FGGY: variants seen among roughly 807,000 people sequenced by gnomAD.
FGGY encodes FGGY carbohydrate kinase domain containing, also known as FGGY carbohydrate kinase domain-containing protein.
In FGGY, 72 loss-of-function variants were observed where a neutral mutation model predicts 71.3. The ratio of observed to expected loss-of-function variants is 1.01; its 90% CI spans 0.84 to 1.23. The LOEUF (loss-of-function observed/expected upper bound fraction) is 1.23. Among genes scored for constraint, FGGY ranks in the 50% most tolerant of loss-of-function variants. FGGY has a pLI of 0.00. For synonymous variants in FGGY, 251 were observed against 250.3 expected (o/e 1.00, Z -0.02); for missense variants, 668 against 682.3 (o/e 0.98, Z 0.23).
intron 2 of FGGY, among the ~76,000 whole-genome samples, chr1:59,337,578 A>G (rs2049851785): frequency 6.6e-6 from 1 of 152,168 alleles, no homozygotes; most frequent in African/African-American, 2.4e-5. Flanking sequence ...GTTGATATCT[A>G]ATATTGAGCA....
intron 5 of FGGY, among the ~76,000 whole-genome samples, chr1:59,393,463 AG>A: frequency 6.6e-6 from 1 of 152,342 alleles, no homozygotes; most frequent in Non-Finnish European, 1.5e-5. Context: ...CCGATAAGCA[AG>A]CCTCACTACA....
At chr1:59,557,175 G>C (rs1249305103) in intron 8 of FGGY, among the ~76,000 whole-genome samples, 1 of 152,118 alleles carries the variant, frequency 6.6e-6, no homozygotes, top group Non-Finnish European at 1.5e-5. Flanking sequence ...GACCCCCTTT[G>C]TTGTGGTTCT....
intron 1 of FGGY, among the ~76,000 whole-genome samples, chr1:59,319,880 A>C (rs894280452): frequency 6.6e-6 from 1 of 152,102 alleles, no homozygotes; most frequent in Non-Finnish European, 1.5e-5. Context: ...GCTGGGGGGA[A>C]GGGCTGGAGG....
intron 12 of FGGY, among the ~76,000 whole-genome samples, chr1:59,663,964 A>G (rs1468594556): frequency 6.6e-6 from 1 of 152,142 alleles, no homozygotes; most frequent in Non-Finnish European, 1.5e-5. Flanking sequence ...TAGGGGTGAA[A>G]TGAAATTAAA....
chr1:59,729,920 G>A (rs2098003334), intron 14 of FGGY, among the ~76,000 whole-genome samples: 1 of 152,068 alleles, frequency 6.6e-6, no homozygotes, highest in Non-Finnish European at 1.5e-5. Flanking sequence ...CTTTATTATG[G>A]AGAACTCTGT....
At chr1:59,505,232 A>C (rs2094346925) in intron 6 of FGGY, among the ~76,000 whole-genome samples, 1 of 152,234 alleles carries the variant, frequency 6.6e-6, no homozygotes. Context: ...GGATGGGAAT[A>C]GTGTCGACTA....
intron 8 of FGGY, among the ~76,000 whole-genome samples, chr1:59,591,521 C>T (rs991172199): frequency 6.6e-6 from 1 of 152,186 alleles, no homozygotes; most frequent in Non-Finnish European, 1.5e-5. Context: ...AGGCATCACG[C>T]TACCTGACTT....
At chr1:59,519,915 A>G (rs944580152) in intron 7 of FGGY, among the ~76,000 whole-genome samples, 12 of 152,236 alleles carry the variant, frequency 7.9e-5, no homozygotes, top group African/African-American at 2.9e-4. Flanking sequence ...GTTCTCAACC[A>G]GGGGTGATTT....
At position 59,761,915 on chromosome 1, in the gene FGGY, A is replaced by G. The variant is rs1229262989; in HGVS notation, c.1575-588A>G. On this transcript the variant is annotated intron_variant, in intron 15 of 15. Coordinates refer to ENST00000303721, the MANE Select transcript of FGGY (RefSeq NM_018291.5). ...ACCTGGGGCTAGTTATATAGGAAAT[A>G]CTTATTGAAGCTGGCAATGTGAAAG... Among the ~76,000 whole-genome samples the G allele has an allele frequency of 3.3e-5, 5 of 152,200 alleles. 1 individual carries two copies. The highest frequency in any genetic ancestry group is 1.3e-4 in the Admixed American group (2 of 15,276).
intron 7 of FGGY, among the ~76,000 whole-genome samples, chr1:59,535,525 A>C (rs927868208): frequency 5.3e-5 from 8 of 152,168 alleles, no homozygotes; most frequent in Non-Finnish European, 8.8e-5. Flanking sequence ...TCAACAGAAT[A>C]TACATTTTTT....
chr1:59,334,744 G>T (rs2049140568), intron 2 of FGGY, among the ~76,000 whole-genome samples: 1 of 152,048 alleles, frequency 6.6e-6, no homozygotes, highest in Non-Finnish European at 1.5e-5. Context: ...CACTAAATGA[G>T]GATGGACATT....
chr1:59,426,511 C>G (rs1299244062), intron 5 of FGGY, among the ~76,000 whole-genome samples: 2 of 152,116 alleles, frequency 1.3e-5, no homozygotes, highest in Non-Finnish European at 2.9e-5. Context: ...AAATAAATTT[C>G]ACAATATGTT....
At chr1:59,338,686 CTG>C (rs1434749436) in intron 2 of FGGY, among the ~76,000 whole-genome samples, 2 of 152,080 alleles carry the variant, frequency 1.3e-5, no homozygotes, top group African/African-American at 4.8e-5. Context: ...TAAAAAAAAT[CTG>C]TATAGTATTT....
intron 6 of FGGY, among the ~76,000 whole-genome samples, chr1:59,482,638 A>G (rs2093528469): frequency 1.3e-5 from 2 of 150,412 alleles, no homozygotes; most frequent in African/African-American, 4.9e-5. Flanking sequence ...CTGTGTGTAT[A>G]TATATATATA....
chr1:59,696,848 A>G (rs375871727), intron 14 of FGGY, among the ~76,000 whole-genome samples: 1 of 152,168 alleles, frequency 6.6e-6, no homozygotes, highest in Non-Finnish European at 1.5e-5. Flanking sequence ...GCCCTTAGAG[A>G]TCATCCCACA....
chr1:59,694,877 A>G (rs2097643249), intron 14 of FGGY, among the ~76,000 whole-genome samples: 2 of 152,210 alleles, frequency 1.3e-5, no homozygotes, highest in East Asian at 1.9e-4. Context: ...AAATGTAAAC[A>G]TGCATTGTGA....
At position 59,392,032 on chromosome 1, in the gene FGGY, G is replaced by A. The variant is rs532108016; in HGVS notation, c.554+13195G>A. Among the ~76,000 whole-genome samples the A allele has an allele frequency of 8.5e-5, 13 of 152,200 alleles. No individual in the cohort carries two copies. In the South Asian group the frequency reaches 2.7e-3, roughly 32 times the overall value. Reference sequence around the variant, plus strand: ...ATTCTGAGGGTGAAGCCAGTGTGTGGAATAAGAGTTAAATTTTAAGGGGTA... The same window carrying A: ...ATTCTGAGGGTGAAGCCAGTGTGTGAAATAAGAGTTAAATTTTAAGGGGTA... On this transcript the variant is annotated intron_variant, in intron 5 of 15. Coordinates refer to ENST00000303721, the MANE Select transcript of FGGY (RefSeq NM_018291.5).
At chr1:59,400,747 C>A (rs542028387) in intron 5 of FGGY, among the ~76,000 whole-genome samples, 1 of 151,656 alleles carries the variant, frequency 6.6e-6, no homozygotes, top group South Asian at 2.1e-4. Context: ...ATAAGTAGAA[C>A]TAAACCAAAT....
chr1:59,723,699 G>A (rs2097916509), intron 14 of FGGY, among the ~76,000 whole-genome samples: 1 of 152,010 alleles, frequency 6.6e-6, no homozygotes, highest in Non-Finnish European at 1.5e-5. Context: ...CAGTTACATT[G>A]TTTTTGACAT....
Sources: gnomAD v4.1 joint callset for allele counts (sites outside exome capture counted in the v4.1 genomes callset) on GRCh38, gnomAD v4.1.1 for gene constraint, MANE v1.5 for transcripts, NCBI Gene and HGNC (gene_info 2026-07-23, HGNC 2026-07-21) for gene names.